The following LMF1 variants were observed in gnomAD, a reference collection of about 807,000 sequenced individuals.
The protein encoded by LMF1 is transmembrane protein 112.
LMF1 carries 68 observed loss-of-function variants against 60.6 expected under a neutral mutation model. The ratio of observed to expected loss-of-function variants is 1.12; its 90% CI spans 0.92 to 1.37. The LOEUF (loss-of-function observed/expected upper bound fraction) is 1.37, where lower values mean the gene tolerates loss of function less well. Ranked by LOEUF, LMF1 falls within the 40% of genes most tolerant of loss-of-function variation. The probability of loss-of-function intolerance (pLI) is 0.00; values close to 1 mark genes in which losing one functional copy is unlikely to be tolerated. For synonymous variants in LMF1, 418 were observed against 324.7 expected (o/e 1.29, Z -3.09); for missense variants, 948 against 767.2 (o/e 1.24, Z -2.78).
At chr16:935,255 A>T (rs182683363) in intron 2 of LMF1, among the ~76,000 whole-genome samples, 131 of 152,116 alleles carry the variant, frequency 8.6e-4, no homozygotes, top group African/African-American at 3.0e-3. Context: ...GTACACCATG[A>T]TGCCCCACTA....
chr16:954,391 G>T lies in LMF1; in HGVS notation c.469C>A (p.Leu157Ile). ...NMLLMAALWG[L>I]YMSLVNVGHV... ...CCCACATTAACCAGGGACATGTAGA[G>T]GCCCCACAGGGCAGCCATGAGAAGC... The change falls in exon 2 of 11, where the codon CTC (leucine) becomes ATC (isoleucine). Residue 157 changes from leucine to isoleucine, a missense_variant. Transcript: ENST00000262301. 1 of 1,612,884 alleles carries T rather than the reference G, an allele frequency of 6.2e-7. No homozygotes were observed. The highest frequency in any genetic ancestry group is 8.5e-7 in the Non-Finnish European group (1 of 1,179,756).
intron 9 of LMF1, 130 bp from the exon 10 acceptor site, chr16:869,186 C>A: frequency 2.8e-6 from 2 of 722,488 alleles, no homozygotes; most frequent in South Asian, 1.5e-5. Context: ...GGCAGCCGCA[C>A]TCCAGCTCTT....
intron 1 of LMF1, among the ~76,000 whole-genome samples, chr16:963,291 A>G (rs2072851741): frequency 6.6e-6 from 1 of 152,120 alleles, no homozygotes; most frequent in African/African-American, 2.4e-5. Context: ...ACCTCGCGGT[A>G]GGCCCTCAGC....
At chr16:862,644 G>A (rs1039346463) in intron 10 of LMF1, among the ~76,000 whole-genome samples, 1 of 152,142 alleles carries the variant, frequency 6.6e-6, no homozygotes, top group African/African-American at 2.4e-5. Context: ...GACTGCCTGA[G>A]CCCAGGAGTT....
intron 3 of LMF1, among the ~76,000 whole-genome samples, chr16:917,510 C>T (rs1245681527): frequency 6.6e-6 from 1 of 150,410 alleles, no homozygotes; most frequent in Non-Finnish European, 1.5e-5. Context: ...TGAAGAAATG[C>T]CACACGTGTG....
Position 970,809 on chromosome 16 carries a change from T to A in LMF1, c.172A>T (p.Lys58Ter). Reference protein sequence around the residue: ...TFWLTRIVLLKALAFVYFVAF... With the variant: ...TFWLTRIVLL Reference sequence around the variant, plus strand: ...TCACAGTACACGAAGGCTAGGGCCTTCAGGAGCACGATCCGGGTCAGCCAG... The same window carrying A: ...TCACAGTACACGAAGGCTAGGGCCTACAGGAGCACGATCCGGGTCAGCCAG... Residue 58 changes from lysine to a stop codon, truncating the protein, a stop_gained, in exon 1 of 11, where the codon AAG (lysine) becomes TAG (stop). Coordinates refer to ENST00000262301, the MANE Select transcript of LMF1 (RefSeq NM_022773.4). LOFTEE classifies it high-confidence loss of function. 2.6e-6 allele frequency: 4 copies of A among 1,541,728 alleles called. No individual in the cohort carries two copies. Among genetic ancestry groups the A allele is most frequent in the Non-Finnish European group, 3.5e-6 (4 of 1,143,612 alleles).
chr16:875,311 C>A (rs2069941551), intron 6 of LMF1, among the ~76,000 whole-genome samples: 1 of 152,136 alleles, frequency 6.6e-6, no homozygotes, highest in Non-Finnish European at 1.5e-5. Flanking sequence ...GAACCCGCAG[C>A]CTGGCCGTCA....
intron 1 of LMF1, chr16:976,823 C>T (rs549659236): frequency 2.2e-5 from 10 of 454,150 alleles, no homozygotes; most frequent in African/African-American, 8.0e-5. Flanking sequence ...CTTTGGGCAT[C>T]GCCTGCTCCC....
chr16:878,479 G>A lies in LMF1; in HGVS notation c.897+1091C>T, dbSNP rs957917155. 2.0e-5 allele frequency among the ~76,000 whole-genome samples: 3 copies of A among 152,168 alleles called. No individual in the cohort carries two copies. The highest frequency in any genetic ancestry group is 2.4e-5 in the African/African-American group (1 of 41,424). On this transcript the variant is annotated intron_variant, in intron 6 of 10. Transcript: ENST00000262301. This position sits in a 1 kb window ranked among gnomAD's most constrained non-coding sequence, Gnocchi z 5.2. Reference sequence around the variant, plus strand: ...TAAGGTGAATCACAGGCCTGCTCACGATACAGTAGCGCCCTTGAAAATACA... The same window carrying A: ...TAAGGTGAATCACAGGCCTGCTCACAATACAGTAGCGCCCTTGAAAATACA...
Position 917,285 on chromosome 16 carries a change from C to T in LMF1, c.515-6206G>A, listed in dbSNP as rs771380492. Among the ~76,000 whole-genome samples the T allele has an allele frequency of 5.3e-5, 8 of 151,712 alleles. No homozygotes were observed. In the South Asian group the frequency reaches 1.2e-3, roughly 24 times the overall value. On this transcript the variant is annotated intron_variant, in intron 3 of 10. Coordinates refer to ENST00000262301, the MANE Select transcript of LMF1 (RefSeq NM_022773.4). ...CAGGCCCACGTGAAGAAATGCCACA[C>T]GTGTGCACTGCGGGCGGGCACAGGC... is the stretch of plus-strand genomic sequence containing the variant.
intron 2 of LMF1, among the ~76,000 whole-genome samples, chr16:940,634 T>C (rs1597038738): frequency 6.6e-6 from 1 of 152,362 alleles, no homozygotes; most frequent in South Asian, 2.1e-4. Flanking sequence ...GTAAATGCTA[T>C]AAGGATTATC....
chr16:880,605 G>C (rs4984702), intron 5 of LMF1, among the ~76,000 whole-genome samples: 15,225 of 152,324 alleles, frequency 0.1, 1,211 homozygotes, highest in Admixed American at 0.2. Context: ...AGGAGGTAGA[G>C]GCTGCAGTGA....
At chr16:869,819 A>G in intron 9 of LMF1, 64 bp downstream of exon 9, 1 of 1,520,400 alleles carries the variant, frequency 6.6e-7, no homozygotes. Flanking sequence ...GAAACCTGCC[A>G]TCTATGGGCA....
chr16:946,979 A>G (rs1597049406), intron 2 of LMF1, among the ~76,000 whole-genome samples: 3 of 152,378 alleles, frequency 2.0e-5, no homozygotes, highest in East Asian at 3.9e-4. Context: ...CTAGCCAGGA[A>G]GGTAACTCTG....
chr16:917,083 T>G (rs2071298733), intron 3 of LMF1, among the ~76,000 whole-genome samples: 1 of 152,164 alleles, frequency 6.6e-6, no homozygotes. Context: ...AAGGCAGAGC[T>G]AAAGTCACGT....
intron 3 of LMF1, among the ~76,000 whole-genome samples, chr16:917,567 T>C (rs924710720): frequency 2.7e-5 from 4 of 150,368 alleles, no homozygotes; most frequent in East Asian, 2.0e-4. Flanking sequence ...CACACGTGTG[T>C]GCTGCGGGCA....
Position 877,973 on chromosome 16 carries a change from C to T in LMF1, c.897+1597G>A, listed in dbSNP as rs536771283. On this transcript the variant is annotated intron_variant, in intron 6 of 10. Coordinates refer to ENST00000262301, the MANE Select transcript of LMF1 (RefSeq NM_022773.4). The stretch of plus-strand genomic sequence containing the variant: ...TCACCTCAGAGCTGCAGCCTACAAA[C>T]GCGCGTGGGGTCTGGCTACACAGAA... Among the ~76,000 whole-genome samples, 15 of 152,240 alleles carry T rather than the reference C, an allele frequency of 9.9e-5. 2 individuals carry two copies. The highest frequency in any genetic ancestry group is 3.1e-4 in the African/African-American group (13 of 41,538).
chr16:876,988 G>A (rs920326006), intron 6 of LMF1, among the ~76,000 whole-genome samples: 29 of 152,204 alleles, frequency 1.9e-4, no homozygotes, highest in Admixed American at 1.8e-3. Context: ...AGACGGCCAC[G>A]CTGACCCTAA....
At chr16:890,930 T>C (rs1477129852) in intron 5 of LMF1, among the ~76,000 whole-genome samples, 1 of 152,204 alleles carries the variant, frequency 6.6e-6, no homozygotes, top group Non-Finnish European at 1.5e-5. Context: ...TGCCCCTGCC[T>C]GTGTGCTCCA....
Sources: gnomAD v4.1 joint callset for allele counts (sites outside exome capture counted in the v4.1 genomes callset) on GRCh38, gnomAD v4.1.1 for gene constraint, Gnocchi (gnomAD v3.1) non-coding constraint, MANE v1.5 for transcripts, NCBI Gene and HGNC (gene_info 2026-07-23, HGNC 2026-07-21) for gene names.